Variants in SYNJ1 observed in about 807,000 individuals in gnomAD.
SYNJ1 encodes polyphosphatidylinositol phosphatase SYNJ1.
SYNJ1 carries 78 observed loss-of-function variants against 168.2 expected under a neutral mutation model. That is an observed-to-expected ratio of 0.46 (90% CI 0.39 to 0.56). The LOEUF is 0.56. Among genes scored for constraint, SYNJ1 ranks in the 20% least tolerant of loss-of-function variants. The pLI is 0.00. For missense variants in SYNJ1, 1,303 were observed against 1,597.6 expected, an observed-to-expected ratio of 0.82 and a Z score of 3.14; for synonymous variants, 539 against 548.6, an observed-to-expected ratio of 0.98 and a Z score of 0.24.
At chr21:32,664,801 G>A (rs1157386344) in intron 18 of SYNJ1, 112 bp downstream of exon 18, 5 of 828,682 alleles carry the variant, frequency 6.0e-6, no homozygotes, top group Non-Finnish European at 9.3e-6. Context: ...ACCTACAGAT[G>A]CATATTTAAG....
chr21:32,681,548 T>C lies in SYNJ1; in HGVS notation c.1301A>G (p.Asp434Gly), dbSNP rs1441734710. 5 of 1,613,746 alleles carry C rather than the reference T, an allele frequency of 3.1e-6. No homozygotes were observed. In the Admixed American group the frequency reaches 8.3e-5, roughly 27 times the overall value. ...VFRSMWSVNGDSISKIYAGTG... is the reference protein window; with the variant it reads ...VFRSMWSVNGGSISKIYAGTG... ...TCCTGCATATATCTTACTGATTGAA[T>C]CACCATTCACGGACCACATTGACCG... Residue 434 changes from aspartate (D) to glycine (G), a missense_variant, in exon 11 of 33, where the codon GAT (aspartate) becomes GGT (glycine). Coordinates refer to ENST00000674351, the MANE Select transcript of SYNJ1 (RefSeq NM_203446.3).
intron 4 of SYNJ1, among the ~76,000 whole-genome samples, chr21:32,695,633 A>ATATT (rs759113240): frequency 0.066 from 9,764 of 148,010 alleles, 369 homozygotes; most frequent in Middle Eastern, 0.11. Context: ...TTTTAAAAAA[A>ATATT]TATTTATTTA....
At chr21:32,650,470 T>A (rs1279014593) in intron 22 of SYNJ1, 124 bp from the exon 23 acceptor site, 1 of 763,138 alleles carries the variant, frequency 1.3e-6, no homozygotes, top group Non-Finnish European at 2.0e-6. Context: ...ACAATTCAGC[T>A]AACTAAAGAA....
In SYNJ1 at chr21:32,696,138, C is replaced by T. The variant is rs1157628563; in HGVS notation, c.480-856G>A. ...AAGTGCTGGGATTACAGGCGTGAGC[C>T]ACCGCGCCCGCCCATGAAGCTCTAC... is the stretch of plus-strand genomic sequence containing the variant. On this transcript the variant is annotated intron_variant, in intron 4 of 32. Coordinates refer to ENST00000674351, the MANE Select transcript of SYNJ1 (RefSeq NM_203446.3). Among the ~76,000 whole-genome samples the T allele has an allele frequency of 2.0e-5, 3 of 152,158 alleles. No homozygotes were observed. In the East Asian group the frequency reaches 5.8e-4, roughly 29 times the overall value.
chr21:32,632,266 T>A (rs925620789), intron 32 of SYNJ1, among the ~76,000 whole-genome samples: 1 of 152,374 alleles, frequency 6.6e-6, no homozygotes, highest in Middle Eastern at 3.4e-3. Context: ...AATGTTACTA[T>A]GGAAATTCAA....
chr21:32,689,312 G>A (rs1003651235), intron 6 of SYNJ1, among the ~76,000 whole-genome samples: 8 of 151,912 alleles, frequency 5.3e-5, no homozygotes, highest in Admixed American at 2.6e-4. Flanking sequence ...GCTTTTTTTT[G>A]TGGGGGACGG....
At position 32,685,863 on chromosome 21, in the gene SYNJ1, A is replaced by G; in HGVS notation, c.1003T>C (p.Tyr335His). 1 of 1,612,970 alleles carries G rather than the reference A, an allele frequency of 6.2e-7. No homozygotes were observed. The highest frequency in any genetic ancestry group is 8.5e-7 in the Non-Finnish European group (1 of 1,179,556). Residue 335 changes from tyrosine (Y) to histidine (H), a missense_variant, in exon 9 of 33, where the codon TAT becomes CAT. Transcript: ENST00000674351. Reference protein sequence around the residue: ...AADIQMVNFDYHQMVKGGKAE... With the variant: ...AADIQMVNFDHHQMVKGGKAE... Reference sequence around the variant, plus strand: ...TTTCCTCCCTTAACCATTTGATGATAGTCAAAATTCACCATCTGGATATCA... The same window carrying G: ...TTTCCTCCCTTAACCATTTGATGATGGTCAAAATTCACCATCTGGATATCA...
At chr21:32,707,151 C>T (rs2042639168) in intron 2 of SYNJ1, among the ~76,000 whole-genome samples, 1 of 152,076 alleles carries the variant, frequency 6.6e-6, no homozygotes, top group Non-Finnish European at 1.5e-5. Context: ...CCTTCAGTTC[C>T]AAATTAAAAC....
Position 32,657,122 on chromosome 21 carries a change from TGCAGTCAGAAG to T in SYNJ1, c.2462-13_2462-3del. The T allele has an allele frequency of 6.4e-7, 1 of 1,569,394 alleles. No homozygotes were observed. The highest frequency in any genetic ancestry group is 8.8e-7 in the Non-Finnish European group (1 of 1,139,370). On this transcript the variant is annotated splice_region_variant and splice_polypyrimidine_tract_variant and intron_variant, in intron 19 of 32. Coordinates refer to ENST00000674351, the MANE Select transcript of SYNJ1 (RefSeq NM_203446.3). ...CATTTAGAAGATCTAGATCTTCAGC[TGCAGTCAGAAG>T]AAATGAAAACACAAGAGAAGCTGTA...
chr21:32,726,809 T>C lies in SYNJ1; in HGVS notation c.87A>G (p.Glu29=), dbSNP rs2043476749. ...SLIVETRHKE[E]CLMFESGAVA... is the part of the protein sequence containing the mutation. Reference sequence around the variant, plus strand: ...CAGCCCCAGACTCGAACATGAGACATTCTTCCTTATGCCTAGTTTCCACTA... The same window carrying C: ...CAGCCCCAGACTCGAACATGAGACACTCTTCCTTATGCCTAGTTTCCACTA... Residue 29 remains glutamate (E), a synonymous_variant, in exon 2 of 33, where the codon GAA becomes GAG. Coordinates refer to ENST00000674351, the MANE Select transcript of SYNJ1 (RefSeq NM_203446.3). 6.2e-7 allele frequency: 1 copy of C among 1,614,044 alleles called. No homozygotes were observed. The highest frequency in any genetic ancestry group is 1.3e-5 in the African/African-American group (1 of 74,928).
chr21:32,688,504 T>C (rs573506030), intron 6 of SYNJ1, 137 bp from the exon 7 acceptor site: 20 of 690,852 alleles, frequency 2.9e-5, no homozygotes, highest in Non-Finnish European at 4.0e-5. Context: ...ATTCATGATA[T>C]GCTTTTAAAA....
chr21:32,661,318 C>T (rs911976701), intron 18 of SYNJ1, among the ~76,000 whole-genome samples: 3 of 152,176 alleles, frequency 2.0e-5, no homozygotes, highest in African/African-American at 7.2e-5. Context: ...CACGGTTCCA[C>T]CCAGCATACA....
chr21:32,709,367 G>C (rs925024286), intron 2 of SYNJ1, among the ~76,000 whole-genome samples: 4 of 149,552 alleles, frequency 2.7e-5, no homozygotes, highest in African/African-American at 9.8e-5. Context: ...GTCCCAGCTA[G>C]TCAGGAGGCT....
chr21:32,639,787 T>C lies in SYNJ1; in HGVS notation c.3589-8A>G. On this transcript the variant is annotated splice_polypyrimidine_tract_variant and splice_region_variant and intron_variant, in intron 29 of 32. Coordinates refer to ENST00000674351, the MANE Select transcript of SYNJ1 (RefSeq NM_203446.3). ...AGCACGAGGAGGAATCGTCTACAGATAGGAAACATAACACTTGAGACATTT... is the reference window on the plus strand; with the variant it reads ...AGCACGAGGAGGAATCGTCTACAGACAGGAAACATAACACTTGAGACATTT... The C allele has an allele frequency of 6.2e-7, 1 of 1,610,478 alleles. No individual in the cohort carries two copies. The highest frequency in any genetic ancestry group is 8.5e-7 in the Non-Finnish European group (1 of 1,176,864).
chr21:32,724,482 T>A (rs1207776789), intron 2 of SYNJ1, among the ~76,000 whole-genome samples: 1 of 152,174 alleles, frequency 6.6e-6, no homozygotes, highest in African/African-American at 2.4e-5. Context: ...AGTGAGACCC[T>A]GTCTCAAAAA....
At chr21:32,646,880 A>G (rs1322708773) in intron 23 of SYNJ1, among the ~76,000 whole-genome samples, 1 of 152,182 alleles carries the variant, frequency 6.6e-6, no homozygotes, top group Non-Finnish European at 1.5e-5. Flanking sequence ...AATATGCCCC[A>G]GAGCAGCTTC....
In SYNJ1 at chr21:32,694,249, G is replaced by A. The variant is rs1456955061; in HGVS notation, c.768C>T (p.Phe256=). 1 of 1,555,470 alleles carries A rather than the reference G, an allele frequency of 6.4e-7. No homozygotes were observed. Among genetic ancestry groups the A allele is most frequent in the Middle Eastern group, 1.7e-4 (1 of 5,868 alleles). Residue 256 remains phenylalanine (F), a synonymous_variant, in exon 6 of 33, where the codon TTC becomes TTT. Transcript: ENST00000674351. The part of the protein sequence containing the change: ...FIQIRGSVPL[F]WEQPGLQVGS... The stretch of plus-strand genomic sequence containing the variant: ...ATACTTGCAACCCTGGTTGCTCCCA[G>A]AACAATGGAACAGATCCTCGGATTT...
intron 2 of SYNJ1, among the ~76,000 whole-genome samples, chr21:32,704,532 G>A (rs151313628): frequency 2.2e-3 from 328 of 152,300 alleles, no homozygotes; most frequent in African/African-American, 7.6e-3. Context: ...CTAGAGGCAG[G>A]GGAAAAGGGC....
chr21:32,645,989 T>C (rs1290399192), intron 24 of SYNJ1, 200 bp from the exon 25 acceptor site: 3 of 869,802 alleles, frequency 3.4e-6, no homozygotes, highest in Admixed American at 3.4e-5. Flanking sequence ...ATGCTACCTC[T>C]GTGCTGACTT....
Sources: allele counts gnomAD v4.1 joint callset (sites outside exome capture counted in the v4.1 genomes callset), GRCh38; gene constraint gnomAD v4.1.1; transcripts MANE v1.5; gene names NCBI Gene and HGNC (gene_info 2026-07-23, HGNC 2026-07-21).